PTPRC: variants seen among roughly 807,000 people sequenced by gnomAD.
The protein encoded by PTPRC is protein tyrosine phosphatase receptor type C.
Under a neutral mutation model 155.9 loss-of-function variants are expected in PTPRC, and 44 were observed. That is an observed-to-expected ratio of 0.28 (90% CI 0.22 to 0.36). The LOEUF is 0.36. Ranked by LOEUF, PTPRC falls within the 10% of genes least tolerant of loss-of-function variation. The probability of loss-of-function intolerance (pLI) is 1.00; values close to 1 mark genes in which losing one functional copy is unlikely to be tolerated. For synonymous variants in PTPRC, 525 were observed against 533.1 expected, an observed-to-expected ratio of 0.98 and a Z score of 0.21; for missense variants, 1,401 against 1,564.6, an observed-to-expected ratio of 0.90 and a Z score of 1.76.
At chr1:198,690,053 C>T (rs1665846119) in intron 2 of PTPRC, among the ~76,000 whole-genome samples, 1 of 152,116 alleles carries the variant, frequency 6.6e-6, no homozygotes, top group South Asian at 2.1e-4. Context: ...GAATGAGGTG[C>T]TTGCATGAGA....
chr1:198,647,330 G>T (rs1204143795), intron 2 of PTPRC, among the ~76,000 whole-genome samples: 1 of 151,818 alleles, frequency 6.6e-6, no homozygotes, highest in Non-Finnish European at 1.5e-5. Context: ...CTGCTTATTT[G>T]CCAGTGCCTG....
intron 4 of PTPRC, 57 bp from the exon 5 acceptor site, chr1:198,699,507 A>T (rs1465714398): frequency 1.2e-6 from 2 of 1,603,580 alleles, no homozygotes; most frequent in Non-Finnish European, 8.5e-7. Flanking sequence ...CCTCTTAGTA[A>T]ATTATTCATC....
At chr1:198,686,193 A>T (rs979395239) in intron 2 of PTPRC, among the ~76,000 whole-genome samples, 7 of 152,144 alleles carry the variant, frequency 4.6e-5, no homozygotes, top group African/African-American at 1.4e-4. Context: ...CACAGCTTTG[A>T]AGATCAAGTG....
At chr1:198,730,208 T>C (rs1654325000) in intron 17 of PTPRC, among the ~76,000 whole-genome samples, 1 of 152,158 alleles carries the variant, frequency 6.6e-6, no homozygotes, top group Non-Finnish European at 1.5e-5. Context: ...TCAGAACTCC[T>C]TTGTCTGTGT....
At chr1:198,708,378 CTG>C (rs1344211477) in intron 10 of PTPRC, 117 bp downstream of exon 10, 17 of 1,007,322 alleles carry the variant, frequency 1.7e-5, no homozygotes, top group Middle Eastern at 3.3e-4. Context: ...TGTTCTCCCT[CTG>C]TTTGTCTTTT....
chr1:198,668,626 T>C (rs989357461), intron 2 of PTPRC, among the ~76,000 whole-genome samples: 9 of 152,098 alleles, frequency 5.9e-5, no homozygotes, highest in Non-Finnish European at 8.8e-5. Context: ...GGAAAGTAAA[T>C]ATAAAATGGT....
chr1:198,669,194 AT>A (rs1464965036), intron 2 of PTPRC, among the ~76,000 whole-genome samples: 2 of 152,210 alleles, frequency 1.3e-5, no homozygotes, highest in African/African-American at 4.8e-5. Flanking sequence ...GAACACACTT[AT>A]TTTCAGAGTT....
At chr1:198,704,332 G>T in intron 7 of PTPRC, 140 bp from the exon 8 acceptor site, 1 of 1,463,456 alleles carries the variant, frequency 6.8e-7, no homozygotes. Flanking sequence ...CCTGTACTAG[G>T]CAAATCCTTC....
At position 198,696,851 on chromosome 1, in the gene PTPRC, T is replaced by C. The variant is rs756712690; in HGVS notation, c.240T>C (p.Asn80=). The C allele has an allele frequency of 6.2e-7, 1 of 1,614,128 alleles. No individual in the cohort carries two copies. Among genetic ancestry groups the C allele is most frequent in the South Asian group, 1.1e-5 (1 of 91,086 alleles). ...SETTTSLSPD[N]TSTQVSPDSL... ...CCACAACTTCTCTTAGTCCAGACAATACTTCCACCCAAGTATCCCCGGACT... is the reference window on the plus strand; with the variant it reads ...CCACAACTTCTCTTAGTCCAGACAACACTTCCACCCAAGTATCCCCGGACT... Residue 80 remains asparagine (N), a synonymous_variant, in exon 4 of 33, where the codon AAT becomes AAC. Coordinates refer to ENST00000442510, the MANE Select transcript of PTPRC (RefSeq NM_002838.5).
chr1:198,754,834 C>T (rs1433827856), intron 32 of PTPRC, among the ~76,000 whole-genome samples: 1 of 152,076 alleles, frequency 6.6e-6, no homozygotes, highest in African/African-American at 2.4e-5. Context: ...CAATAGAGAC[C>T]AGGCTGACTC....
In PTPRC at chr1:198,716,627, C is replaced by T. The variant is rs945719361; in HGVS notation, c.1292-55C>T. 6.8e-5 allele frequency: 101 copies of T among 1,476,134 alleles called. No individual in the cohort carries two copies. The African/African-American group carries it at 9.7e-4, about 14-fold the overall frequency. 91.4% of individuals were successfully genotyped at this position (1,476,134 alleles called of 1,614,324 possible). On this transcript the variant is annotated intron_variant, in intron 12 of 32. Coordinates refer to ENST00000442510, the MANE Select transcript of PTPRC (RefSeq NM_002838.5). Reference sequence around the variant, plus strand: ...ATGTAGAGACCAAATTAATTAGGTACGTGGTAGTACTGACTTTTAACGACT... The same window carrying T: ...ATGTAGAGACCAAATTAATTAGGTATGTGGTAGTACTGACTTTTAACGACT...
At position 198,694,270 on chromosome 1, in the gene PTPRC, T is replaced by A. The variant is rs982413628; in HGVS notation, c.100+1897T>A. The A allele has an allele frequency of 1.8e-5, 15 of 832,146 alleles. 1 individual carries two copies. In the Admixed American group the frequency reaches 5.2e-4, roughly 29 times the overall value. 51.5% of individuals were successfully genotyped at this position (832,146 alleles called of 1,614,324 possible). On this transcript the variant is annotated intron_variant, in intron 3 of 32. Coordinates refer to ENST00000442510, the MANE Select transcript of PTPRC (RefSeq NM_002838.5). The stretch of plus-strand genomic sequence containing the variant: ...ACTTCTCCTACCTTCTTGTGCCTGC[T>A]TTTTCTAGCCGTGCTGGCAGTTGCT...
intron 2 of PTPRC, among the ~76,000 whole-genome samples, chr1:198,645,524 C>T (rs1005503329): frequency 6.6e-6 from 1 of 151,540 alleles, no homozygotes; most frequent in Admixed American, 6.6e-5. Context: ...CCCTTGAGAC[C>T]CAATTTCCTC....
At chr1:198,651,435 C>T (rs3820484) in intron 2 of PTPRC, among the ~76,000 whole-genome samples, 59,099 of 151,246 alleles carry the variant, frequency 0.39, 11,972 homozygotes, top group East Asian at 0.68. Context: ...AATCTAATAT[C>T]GTGAAAATTA....
chr1:198,675,390 T>C (rs1664894784), intron 2 of PTPRC, among the ~76,000 whole-genome samples: 1 of 152,190 alleles, frequency 6.6e-6, no homozygotes, highest in Non-Finnish European at 1.5e-5. Flanking sequence ...ATTACTAATA[T>C]TTAGCTTTTA....
intron 2 of PTPRC, among the ~76,000 whole-genome samples, chr1:198,668,096 T>C (rs1458744476): frequency 5.3e-5 from 8 of 152,328 alleles, no homozygotes; most frequent in South Asian, 2.1e-4. Flanking sequence ...GGGATGATCT[T>C]ATAGAAATAA....
chr1:198,657,442 G>A (rs1663656333), intron 2 of PTPRC: 1 of 152,026 alleles, frequency 6.6e-6, no homozygotes, highest in Admixed American at 6.6e-5. Context: ...AAATAAAAAT[G>A]CATTCACTAT....
At chr1:198,739,844 T>C (rs1291311608) in intron 23 of PTPRC, among the ~76,000 whole-genome samples, 2 of 150,970 alleles carry the variant, frequency 1.3e-5, no homozygotes, top group African/African-American at 4.9e-5. Flanking sequence ...AAACAAGTCT[T>C]ACAAAATTAA....
intron 2 of PTPRC, among the ~76,000 whole-genome samples, chr1:198,690,131 T>G (rs1665851458): frequency 6.6e-6 from 1 of 152,186 alleles, no homozygotes; most frequent in Non-Finnish European, 1.5e-5. Flanking sequence ...AAGAGATATG[T>G]GTTGTATAAA....
Sources: gnomAD v4.1 joint callset for allele counts (sites outside exome capture counted in the v4.1 genomes callset) on GRCh38, gnomAD v4.1.1 for gene constraint, MANE v1.5 for transcripts, NCBI Gene and HGNC (gene_info 2026-07-23, HGNC 2026-07-21) for gene names.